Variants in NALF1 observed in about 807,000 individuals in gnomAD.
The protein encoded by NALF1 is NALCN channel auxiliary factor 1, also known as family with sequence similarity 155 member A.
In NALF1, 3 loss-of-function variants were observed where a neutral mutation model predicts 48.4. The ratio of observed to expected loss-of-function variants is 0.06; its 90% CI spans 0.03 to 0.16. The LOEUF (loss-of-function observed/expected upper bound fraction) is 0.16, where lower values mean the gene tolerates loss of function less well. Among genes scored for constraint, NALF1 ranks in the 10% least tolerant of loss-of-function variants. The pLI is 1.00. For missense variants in NALF1, 526 were observed against 571.5 expected (o/e 0.92, Z 0.81); for synonymous variants, 262 against 245.7 (o/e 1.07, Z -0.62).
At chr13:107,730,688 T>C (rs1431776191) in intron 1 of NALF1, among the ~76,000 whole-genome samples, 1 of 152,220 alleles carries the variant, frequency 6.6e-6, no homozygotes, top group Non-Finnish European at 1.5e-5. Context: ...AAAGTCACAC[T>C]TCTTTAATGT....
In NALF1 at chr13:107,164,804, AT is replaced by A. The variant is rs910767260; in HGVS notation, c.*5692del. On this transcript the variant is annotated 3_prime_UTR_variant, in exon 3 of 3. Coordinates refer to ENST00000375915, the MANE Select transcript of NALF1 (RefSeq NM_001080396.3). ...GATGTGAGGTGTTGTTAAAAAAAAA[AT>A]GTAATTAAGAGATAAGCCAAAGAAA... 1 of 152,076 alleles carries A rather than the reference AT, an allele frequency of 6.6e-6. No individual in the cohort carries two copies. Among genetic ancestry groups the A allele is most frequent in the Non-Finnish European group, 1.5e-5 (1 of 68,034 alleles). The allele number at this position is 152,076 out of a possible 1,614,324, so 9.4% of individuals were successfully genotyped here. A position where few individuals can be genotyped will look rare whatever the true frequency, so the allele number is the denominator to read the frequency against.
intron 1 of NALF1, among the ~76,000 whole-genome samples, chr13:107,384,203 T>A (rs1228407806): frequency 6.6e-6 from 1 of 152,054 alleles, no homozygotes; most frequent in Non-Finnish European, 1.5e-5. Flanking sequence ...CAGTGAGCTG[T>A]GACTATACCA....
chr13:107,675,897 G>C (rs1881108401), intron 1 of NALF1, among the ~76,000 whole-genome samples: 1 of 152,128 alleles, frequency 6.6e-6, no homozygotes, highest in African/African-American at 2.4e-5. Flanking sequence ...TGAAGGTATG[G>C]AGGAAGGTAA....
chr13:107,768,362 T>C (rs1877475990), intron 1 of NALF1, among the ~76,000 whole-genome samples: 2 of 152,312 alleles, frequency 1.3e-5, no homozygotes, highest in East Asian at 1.9e-4. Flanking sequence ...AAAATAAAAA[T>C]AAATATATTT....
chr13:107,186,799 T>C (rs1286218792), intron 2 of NALF1, among the ~76,000 whole-genome samples: 3 of 152,212 alleles, frequency 2.0e-5, no homozygotes, highest in South Asian at 2.1e-4. Context: ...TGTTATCTCA[T>C]AGTTCTGTAA....
At chr13:107,862,679 T>C (rs887788797) in intron 1 of NALF1, among the ~76,000 whole-genome samples, 3 of 151,994 alleles carry the variant, frequency 2.0e-5, no homozygotes, top group Admixed American at 6.6e-5. Context: ...ATCCAATCTA[T>C]ATTTGACCAG....
chr13:107,220,091 T>C (rs1214358717), intron 1 of NALF1, among the ~76,000 whole-genome samples: 1 of 152,188 alleles, frequency 6.6e-6, no homozygotes, highest in Non-Finnish European at 1.5e-5. Context: ...ACAAGAATAA[T>C]CTGCTTTTGC....
intron 1 of NALF1, among the ~76,000 whole-genome samples, chr13:107,226,514 G>A (rs1169752969): frequency 1.3e-5 from 2 of 152,110 alleles, no homozygotes; most frequent in African/African-American, 4.8e-5. Flanking sequence ...TATTCACTGT[G>A]GAACAAAATG....
At chr13:107,608,357 A>G (rs2138429985) in intron 1 of NALF1, among the ~76,000 whole-genome samples, 1 of 152,370 alleles carries the variant, frequency 6.6e-6, no homozygotes, top group African/African-American at 2.4e-5. Flanking sequence ...GAATGAAAGA[A>G]TCTACAGATA....
At chr13:107,793,085 C>A (rs565097214) in intron 1 of NALF1, among the ~76,000 whole-genome samples, 1 of 152,158 alleles carries the variant, frequency 6.6e-6, no homozygotes, top group East Asian at 1.9e-4. Context: ...TGGTAAGATC[C>A]AAAGTATCAT....
chr13:107,715,448 C>T (rs1566454762), intron 1 of NALF1, among the ~76,000 whole-genome samples: 3 of 152,146 alleles, frequency 2.0e-5, no homozygotes, highest in Non-Finnish European at 4.4e-5. Context: ...GTGATCTGCC[C>T]ACCTCGGCCT....
At chr13:107,663,887 A>T (rs1274052067) in intron 1 of NALF1, among the ~76,000 whole-genome samples, 1 of 151,812 alleles carries the variant, frequency 6.6e-6, no homozygotes. Flanking sequence ...TCTGTTACTT[A>T]TTCTCCTCAA....
At chr13:107,445,948 T>A (rs1884642385) in intron 1 of NALF1, among the ~76,000 whole-genome samples, 1 of 147,364 alleles carries the variant, frequency 6.8e-6, no homozygotes. Context: ...TTGGGACAGA[T>A]TTTTTTTTTT....
At chr13:107,372,004 T>G (rs1566498403) in intron 1 of NALF1, among the ~76,000 whole-genome samples, 1 of 152,160 alleles carries the variant, frequency 6.6e-6, no homozygotes, top group African/African-American at 2.4e-5. Context: ...GAAGAGGCCG[T>G]GATTCTGTGT....
chr13:107,398,281 A>C (rs527501695), intron 1 of NALF1, among the ~76,000 whole-genome samples: 176 of 152,062 alleles, frequency 1.2e-3, no homozygotes, highest in African/African-American at 4.0e-3. Context: ...TGTTTCTCCC[A>C]GTGTTACAAT....
At chr13:107,471,645 T>C (rs1299489872) in intron 1 of NALF1, among the ~76,000 whole-genome samples, 1 of 152,230 alleles carries the variant, frequency 6.6e-6, no homozygotes, top group African/African-American at 2.4e-5. Context: ...GTATCCACTA[T>C]AGAAACCTCA....
chr13:107,732,331 G>A (rs556719022), intron 1 of NALF1, among the ~76,000 whole-genome samples: 46 of 151,942 alleles, frequency 3.0e-4, no homozygotes, highest in Non-Finnish European at 1.3e-4. Context: ...CACATATATG[G>A]TTTGCACTCA....
At chr13:107,582,774 C>T (rs772628646) in intron 1 of NALF1, among the ~76,000 whole-genome samples, 5 of 152,110 alleles carry the variant, frequency 3.3e-5, no homozygotes, top group Middle Eastern at 3.2e-3. Flanking sequence ...AAGAATAATA[C>T]GTTCATTATG....
intron 1 of NALF1, among the ~76,000 whole-genome samples, chr13:107,327,586 G>A (rs1328267238): frequency 6.6e-6 from 1 of 152,028 alleles, no homozygotes; most frequent in Non-Finnish European, 1.5e-5. Flanking sequence ...TCTGGCTTGT[G>A]AATAATTTCA....
Sources: allele counts gnomAD v4.1 joint callset (sites outside exome capture counted in the v4.1 genomes callset), GRCh38; gene constraint gnomAD v4.1.1; transcripts MANE v1.5; gene names NCBI Gene and HGNC (gene_info 2026-07-23, HGNC 2026-07-21).